GPATCH2: variants seen among roughly 807,000 people sequenced by gnomAD.
GPATCH2 encodes the protein G patch domain-containing protein 2.
In GPATCH2, 51 loss-of-function variants were observed where a neutral mutation model predicts 58.0. That is an observed-to-expected ratio of 0.88 (90% confidence interval 0.70 to 1.11). The LOEUF is 1.11. GPATCH2 is among the 50% of genes most tolerant of loss of function. GPATCH2 has a pLI of 0.00. For missense variants in GPATCH2, 625 were observed against 652.2 expected, an observed-to-expected ratio of 0.96 and a Z score of 0.45; for synonymous variants, 222 against 218.5, an observed-to-expected ratio of 1.02 and a Z score of -0.14.
chr1:217,587,142 G>C (rs1667378122), intron 5 of GPATCH2, among the ~76,000 whole-genome samples: 1 of 152,102 alleles, frequency 6.6e-6, no homozygotes, highest in Admixed American at 6.5e-5. Context: ...TAAAGAGATG[G>C]AAAACTAAAT....
At chr1:217,615,481 TGA>T (rs1220081487) in intron 2 of GPATCH2, among the ~76,000 whole-genome samples, 2 of 152,116 alleles carry the variant, frequency 1.3e-5, no homozygotes, top group African/African-American at 4.8e-5. Flanking sequence ...CACTATAATG[TGA>T]GAGTGTTAAA....
intron 8 of GPATCH2, among the ~76,000 whole-genome samples, chr1:217,470,805 T>C (rs777035733): frequency 6.6e-6 from 1 of 152,132 alleles, no homozygotes; most frequent in Non-Finnish European, 1.5e-5. Context: ...TTAGACGCCA[T>C]TTGAGCTTTC....
intron 3 of GPATCH2, among the ~76,000 whole-genome samples, chr1:217,613,300 C>G (rs1485142916): frequency 6.6e-6 from 1 of 151,940 alleles, no homozygotes; most frequent in African/African-American, 2.4e-5. Flanking sequence ...AAAGGATGAA[C>G]AGACTAAGAA....
chr1:217,476,497 G>A (rs1477168009), intron 8 of GPATCH2, among the ~76,000 whole-genome samples: 1 of 152,116 alleles, frequency 6.6e-6, no homozygotes, highest in Non-Finnish European at 1.5e-5. Flanking sequence ...AAACAGTCTT[G>A]AATCACTGAT....
intron 1 of GPATCH2, among the ~76,000 whole-genome samples, chr1:217,630,648 T>C (rs1669707864): frequency 6.6e-6 from 1 of 152,182 alleles, no homozygotes; most frequent in Non-Finnish European, 1.5e-5. Flanking sequence ...AGGAGATGAA[T>C]TGCTCCTGGA....
intron 5 of GPATCH2, chr1:217,610,077 A>G: frequency 6.6e-7 from 1 of 1,508,974 alleles, no homozygotes; most frequent in Non-Finnish European, 8.8e-7. Context: ...CCTCCAGGGA[A>G]GAGGACAGGA....
chr1:217,517,884 A>G (rs1260974205), intron 5 of GPATCH2, among the ~76,000 whole-genome samples: 2 of 152,134 alleles, frequency 1.3e-5, no homozygotes, highest in Non-Finnish European at 1.5e-5. Context: ...TAGACAGGAA[A>G]CAGGTATTCT....
In GPATCH2 at chr1:217,427,287, T is replaced by C. The variant is rs1405670465; in HGVS notation, c.*3858A>G. 2.0e-5 allele frequency: 3 copies of C among 152,036 alleles called. No homozygotes were observed. The highest frequency in any genetic ancestry group is 4.4e-5 in the Non-Finnish European group (3 of 67,980). The allele number at this position is 152,036 out of a possible 1,614,324, so 9.4% of individuals were successfully genotyped here. On this transcript the variant is annotated 3_prime_UTR_variant, in exon 10 of 10. Transcript: ENST00000366935. The stretch of plus-strand genomic sequence containing the variant: ...CACAGAAACAATAAAAACAGGAAAA[T>C]GTGGTAGAGCAGCTCACAATCGGCT...
chr1:217,479,373 T>C (rs1452717706), intron 8 of GPATCH2, among the ~76,000 whole-genome samples: 1 of 152,066 alleles, frequency 6.6e-6, no homozygotes, highest in Admixed American at 6.6e-5. Flanking sequence ...AGTTAAAAAG[T>C]AGAGAATGAG....
At chr1:217,573,068 T>C (rs1666643112) in intron 5 of GPATCH2, among the ~76,000 whole-genome samples, 1 of 152,230 alleles carries the variant, frequency 6.6e-6, no homozygotes. Flanking sequence ...ATCTACAATA[T>C]GCTTTTTAAG....
chr1:217,534,130 C>G (rs953373980), intron 5 of GPATCH2, among the ~76,000 whole-genome samples: 5 of 151,984 alleles, frequency 3.3e-5, no homozygotes, highest in Admixed American at 2.6e-4. Flanking sequence ...GCAGGAGAAT[C>G]GCTTGAACCC....
At chr1:217,501,602 C>T (rs1468882167) in intron 6 of GPATCH2, among the ~76,000 whole-genome samples, 2 of 151,992 alleles carry the variant, frequency 1.3e-5, no homozygotes, top group East Asian at 3.8e-4. Context: ...CATTGGCATT[C>T]GATGCTGTCA....
intron 6 of GPATCH2, among the ~76,000 whole-genome samples, chr1:217,499,500 G>A (rs1372553612): frequency 1.3e-5 from 2 of 152,130 alleles, no homozygotes; most frequent in African/African-American, 4.8e-5. Context: ...TTAAAACCAG[G>A]AACAAACAGC....
At chr1:217,462,626 G>T (rs967313513) in intron 8 of GPATCH2, among the ~76,000 whole-genome samples, 1 of 152,110 alleles carries the variant, frequency 6.6e-6, no homozygotes, top group African/African-American at 2.4e-5. Flanking sequence ...ACCTCATAGG[G>T]TAATACTGGA....
intron 8 of GPATCH2, among the ~76,000 whole-genome samples, chr1:217,480,333 G>GAT (rs1328607050): frequency 6.6e-6 from 1 of 152,144 alleles, no homozygotes; most frequent in Non-Finnish European, 1.5e-5. Context: ...ATGGGCAAAA[G>GAT]ATTTGAATAG....
At chr1:217,585,933 A>G (rs1016886866) in intron 5 of GPATCH2, among the ~76,000 whole-genome samples, 1 of 152,200 alleles carries the variant, frequency 6.6e-6, no homozygotes, top group Non-Finnish European at 1.5e-5. Context: ...TAATATATGC[A>G]ACTCTAACAC....
intron 8 of GPATCH2, among the ~76,000 whole-genome samples, chr1:217,452,940 T>C (rs1455648195): frequency 6.6e-5 from 10 of 152,162 alleles, no homozygotes; most frequent in Non-Finnish European, 1.5e-4. Context: ...GGATTATTGA[T>C]CCATAAGATC....
At chr1:217,568,478 G>A (rs1248818858) in intron 5 of GPATCH2, among the ~76,000 whole-genome samples, 2 of 151,946 alleles carry the variant, frequency 1.3e-5, no homozygotes, top group African/African-American at 4.8e-5. Flanking sequence ...TACTATGGGG[G>A]AAAAAAAGCA....
intron 8 of GPATCH2, among the ~76,000 whole-genome samples, chr1:217,476,309 C>T (rs1660967486): frequency 6.6e-6 from 1 of 151,124 alleles, no homozygotes; most frequent in African/African-American, 2.4e-5. Context: ...ATGCACAGCA[C>T]CTGGGGTGGA....
Sources: gnomAD v4.1 joint callset for allele counts (sites outside exome capture counted in the v4.1 genomes callset) on GRCh38, gnomAD v4.1.1 for gene constraint, MANE v1.5 for transcripts, NCBI Gene and HGNC (gene_info 2026-07-23, HGNC 2026-07-21) for gene names.